The following PAX7 variants were observed in gnomAD, a reference collection of about 807,000 sequenced individuals.
The protein encoded by PAX7 is paired box 7.
PAX7 carries 18 observed loss-of-function variants against 50.7 expected under a neutral mutation model. The ratio of observed to expected loss-of-function variants is 0.36; its 90% CI spans 0.25 to 0.53. PAX7 has a LOEUF of 0.53. Ranked by LOEUF, PAX7 falls within the 20% of genes least tolerant of loss-of-function variation. The probability of loss-of-function intolerance (pLI) is 0.93; values close to 1 mark genes in which losing one functional copy is unlikely to be tolerated. For synonymous variants in PAX7, 310 were observed against 290.4 expected, an observed-to-expected ratio of 1.07 and a Z score of -0.69; for missense variants, 644 against 702.9, an observed-to-expected ratio of 0.92 and a Z score of 0.95.
chr1:18,693,694 A>C (rs2089109864), intron 5 of PAX7, among the ~76,000 whole-genome samples: 1 of 152,068 alleles, frequency 6.6e-6, no homozygotes, highest in Admixed American at 6.6e-5. Context: ...TCCCCTCCTG[A>C]CCGAGGTGAT....
rs2088162881 is a variant in PAX7, at chr1:18,636,631, AGAG to A, written c.586+261_586+263del. ...GCACGGACGGCCTGTGAGTCCCGGGAGAGCCCGGCTGCGGGGCTGCGCGCCTGG... is the reference window on the plus strand; with the variant it reads ...GCACGGACGGCCTGTGAGTCCCGGGACCCGGCTGCGGGGCTGCGCGCCTGG... On this transcript the variant is annotated intron_variant, in intron 4 of 8. Coordinates refer to ENST00000420770, the MANE Select transcript of PAX7 (RefSeq NM_001135254.2). The surrounding 1 kb of genome is among the most constrained non-coding windows in gnomAD (Gnocchi z 5.1). Among the ~76,000 whole-genome samples, 1 of 152,146 alleles carries A rather than the reference AGAG, an allele frequency of 6.6e-6. No individual in the cohort carries two copies. The highest frequency in any genetic ancestry group is 1.5e-5 in the Non-Finnish European group (1 of 68,030).
intron 7 of PAX7, among the ~76,000 whole-genome samples, chr1:18,724,070 G>C (rs544003876): frequency 6.6e-5 from 10 of 152,362 alleles, no homozygotes; most frequent in Admixed American, 6.5e-4. Flanking sequence ...CCCGGCTCAG[G>C]CCGCTGCGTG....
rs548989524 is a variant in PAX7 at position 18,643,048 on chromosome 1, G to A, written c.586+6677G>A. Among the ~76,000 whole-genome samples, 27 of 152,294 alleles carry A rather than the reference G, an allele frequency of 1.8e-4. No individual in the cohort carries two copies. In the South Asian group the frequency reaches 3.7e-3, roughly 21 times the overall value. On this transcript the variant is annotated intron_variant, in intron 4 of 8. Transcript: ENST00000420770. ...CTTGGAACTTCAACCTCCTGGGAGA[G>A]GAAAAGCGTCTGCGGGTCGCTACAG...
chr1:18,681,684 G>A (rs1015667530), intron 4 of PAX7, among the ~76,000 whole-genome samples: 1 of 144,142 alleles, frequency 6.9e-6, no homozygotes, highest in African/African-American at 2.6e-5. Flanking sequence ...TCTACCTAGG[G>A]CTTAGAATTT....
chr1:18,631,562 C>G lies in PAX7; in HGVS notation c.-42C>G. On this transcript the variant is annotated 5_prime_UTR_variant, in exon 1 of 9. Transcript: ENST00000420770. ...AGGGGTGAAGGGAGCGGACGGGAAG[C>G]GATTTTTGCCGACTTTGGATTCGTC... 3.2e-6 allele frequency: 5 copies of G among 1,548,856 alleles called. No individual in the cohort carries two copies. The highest frequency in any genetic ancestry group is 4.4e-6 in the Non-Finnish European group (5 of 1,127,848).
chr1:18,748,440 A>G lies in PAX7; in HGVS notation c.*3511A>G, dbSNP rs1931539107. ...TTCTCTCCTCCCCTCCTGCAGAGGC[A>G]CCAAAACCAAGACCAAATGGGGGTT... On this transcript the variant is annotated 3_prime_UTR_variant, in exon 9 of 9. Coordinates refer to ENST00000420770, the MANE Select transcript of PAX7 (RefSeq NM_001135254.2). The G allele has an allele frequency of 4.3e-6, 1 of 231,970 alleles. No homozygotes were observed. The highest frequency in any genetic ancestry group is 5.6e-5 in the Admixed American group (1 of 17,748). The allele number at this position is 231,970 out of a possible 1,614,324, so 14.4% of individuals were successfully genotyped here.
At chr1:18,736,982 C>T (rs1370649177) in intron 8 of PAX7, among the ~76,000 whole-genome samples, 1 of 152,260 alleles carries the variant, frequency 6.6e-6, no homozygotes. Context: ...CAACTCTCTC[C>T]TCCACTCCAA....
intron 7 of PAX7, among the ~76,000 whole-genome samples, chr1:18,710,081 T>C (rs1429233988): frequency 6.6e-6 from 1 of 152,202 alleles, no homozygotes; most frequent in African/African-American, 2.4e-5. Flanking sequence ...AGAAAAGACA[T>C]TCCATCAATG....
At chr1:18,714,126 G>A (rs1009786840) in intron 7 of PAX7, among the ~76,000 whole-genome samples, 1 of 152,102 alleles carries the variant, frequency 6.6e-6, no homozygotes, top group African/African-American at 2.4e-5. Flanking sequence ...AGAATTGCTT[G>A]GACCCCGGAG....
rs940481215 is a variant in PAX7 at position 18,632,526 on chromosome 1, T to C, written c.85+838T>C. 6.6e-6 allele frequency among the ~76,000 whole-genome samples: 1 copy of C among 152,154 alleles called. No individual in the cohort carries two copies. The highest frequency in any genetic ancestry group is 1.5e-5 in the Non-Finnish European group (1 of 68,030). On this transcript the variant is annotated intron_variant, in intron 1 of 8. Coordinates refer to ENST00000420770, the MANE Select transcript of PAX7 (RefSeq NM_001135254.2). This position sits in a 1 kb window ranked among gnomAD's most constrained non-coding sequence, Gnocchi z 6.3. ...AGCGGAGAGACCCGCTCCTGTGTTTTTGTTCTGTTTTCTTTTTAAACTAAT... is the reference window on the plus strand; with the variant it reads ...AGCGGAGAGACCCGCTCCTGTGTTTCTGTTCTGTTTTCTTTTTAAACTAAT...
intron 4 of PAX7, among the ~76,000 whole-genome samples, chr1:18,639,504 C>A (rs1005569716): frequency 3.9e-5 from 6 of 151,958 alleles, no homozygotes; most frequent in African/African-American, 1.5e-4. Context: ...GCTTGGCTCA[C>A]CTGGAAAGGG....
intron 4 of PAX7, among the ~76,000 whole-genome samples, chr1:18,680,539 T>G (rs2088884590): frequency 6.6e-6 from 1 of 152,140 alleles, no homozygotes; most frequent in South Asian, 2.1e-4. Context: ...AGAACGAGGC[T>G]CAGGACTTAA....
chr1:18,742,952 T>C (rs1931227790), intron 8 of PAX7, among the ~76,000 whole-genome samples: 1 of 152,090 alleles, frequency 6.6e-6, no homozygotes, highest in African/African-American at 2.4e-5. Flanking sequence ...AGGAAGCAGG[T>C]CTAGAGAGGT....
chr1:18,678,283 T>C (rs775027368), intron 4 of PAX7, among the ~76,000 whole-genome samples: 2 of 151,822 alleles, frequency 1.3e-5, no homozygotes, highest in Non-Finnish European at 2.9e-5. Context: ...TGGTGGTGCA[T>C]GCCTACTCAA....
At chr1:18,655,409 C>A (rs1013886130) in intron 4 of PAX7, among the ~76,000 whole-genome samples, 3 of 152,164 alleles carry the variant, frequency 2.0e-5, no homozygotes, top group African/African-American at 7.2e-5. Flanking sequence ...GGAGGAAAGT[C>A]CAGCCGAAGG....
chr1:18,636,326 G>C lies in PAX7; in HGVS notation c.541G>C (p.Glu181Gln). ...AGCGGACAAGAAGGAGGACGACGGC[G>C]AAAAGAAGGCCAAACACAGCATCGA... is the stretch of plus-strand genomic sequence containing the variant. ...DEADKKEDDG[E>Q]KKAKHSIDGI... is the part of the protein sequence containing the mutation. Residue 181 changes from glutamate to glutamine, a missense_variant, in exon 4 of 9, where the codon GAA becomes CAA. Transcript: ENST00000420770. The surrounding 1 kb of genome is among the most constrained non-coding windows in gnomAD (Gnocchi z 5.1). 6.2e-7 allele frequency: 1 copy of C among 1,614,246 alleles called. No homozygotes were observed. The highest frequency in any genetic ancestry group is 1.1e-5 in the South Asian group (1 of 91,092).
intron 8 of PAX7, among the ~76,000 whole-genome samples, chr1:18,739,352 A>G (rs1024217817): frequency 1.4e-4 from 22 of 152,336 alleles, no homozygotes; most frequent in Non-Finnish European, 3.2e-4. Flanking sequence ...GTGCATATGG[A>G]TAGACACACA....
At chr1:18,638,984 C>A (rs562506309) in intron 4 of PAX7, among the ~76,000 whole-genome samples, 3 of 152,310 alleles carry the variant, frequency 2.0e-5, no homozygotes, top group South Asian at 2.1e-4. Context: ...TTTGTTTTGG[C>A]TTCTTGCTCT....
At position 18,632,309 on chromosome 1, in the gene PAX7, G is replaced by A. The variant is rs1421185976; in HGVS notation, c.85+621G>A. ...GGCTTCCGCACTCTGGAAATCTCCC[G>A]GGAGAGAACCTCTAAACGGCGAGGT... is the stretch of plus-strand genomic sequence containing the variant. On this transcript the variant is annotated intron_variant, in intron 1 of 8. Coordinates refer to ENST00000420770, the MANE Select transcript of PAX7 (RefSeq NM_001135254.2). This position sits in a 1 kb window ranked among gnomAD's most constrained non-coding sequence, Gnocchi z 6.3. 6.6e-6 allele frequency among the ~76,000 whole-genome samples: 1 copy of A among 152,110 alleles called. No homozygotes were observed. The highest frequency in any genetic ancestry group is 2.1e-4 in the South Asian group (1 of 4,828).
Sources: gnomAD v4.1 joint callset for allele counts (sites outside exome capture counted in the v4.1 genomes callset) on GRCh38, gnomAD v4.1.1 for gene constraint, Gnocchi (gnomAD v3.1) non-coding constraint, MANE v1.5 for transcripts, NCBI Gene and HGNC (gene_info 2026-07-23, HGNC 2026-07-21) for gene names.